Variants in UTRN observed in about 807,000 individuals in gnomAD.
UTRN encodes the protein dystrophin-related protein 1.
In UTRN, 283 loss-of-function variants were observed where a neutral mutation model predicts 463.9. The observed-to-expected ratio is 0.61, with a 90% CI of 0.55 to 0.67. The LOEUF (loss-of-function observed/expected upper bound fraction) is 0.67, where lower values mean the gene tolerates loss of function less well. Ranked by LOEUF, UTRN falls within the 30% of genes least tolerant of loss-of-function variation. The pLI is 0.00. For synonymous variants in UTRN, 1,442 were observed against 1,431.5 expected, an observed-to-expected ratio of 1.01 and a Z score of -0.17; for missense variants, 3,922 against 4,084.3, an observed-to-expected ratio of 0.96 and a Z score of 1.08.
chr6:144,530,514 T>C (rs1162711641), intron 41 of UTRN, among the ~76,000 whole-genome samples: 1 of 152,222 alleles, frequency 6.6e-6, no homozygotes, highest in Non-Finnish European at 1.5e-5. Context: ...TGAAGTGTTT[T>C]GGCCTTTTGT....
chr6:144,437,571 A>G lies in UTRN; in HGVS notation c.1066A>G (p.Met356Val). The stretch of plus-strand genomic sequence containing the variant: ...TAACAATGTCCCTTTCTAGGCTTTT[A>G]TGATGGAACTGACTGCACACCAGAG... ...KDQFATHEAF[M>V]MELTAHQSSV... is the part of the protein sequence containing the mutation. Residue 356 changes from methionine (M) to valine (V), a missense_variant, in exon 11 of 75, where the codon ATG (methionine) becomes GTG (valine). Physicochemically the swap from Met to Val is conservative, Grantham distance 21 (BLOSUM62 1). Around this residue, in one of 3 missense-constraint regions of UTRN, gnomAD observed 2,349 missense variants for 2,303.8 expected, o/e 1.02. Coordinates refer to ENST00000367545, the MANE Select transcript of UTRN (RefSeq NM_007124.3). The G allele has an allele frequency of 6.3e-7, 1 of 1,598,916 alleles. No individual in the cohort carries two copies. The highest frequency in any genetic ancestry group is 8.5e-7 in the Non-Finnish European group (1 of 1,174,932).
intron 61 of UTRN, among the ~76,000 whole-genome samples, chr6:144,782,881 G>T (rs1444794097): frequency 6.6e-6 from 1 of 152,038 alleles, no homozygotes; most frequent in Non-Finnish European, 1.5e-5. Context: ...GGAGGTTAAA[G>T]TATGCAAAGA....
intron 45 of UTRN, among the ~76,000 whole-genome samples, chr6:144,542,063 T>C (rs755438620): frequency 3.4e-4 from 51 of 152,190 alleles, no homozygotes; most frequent in Non-Finnish European, 6.5e-4. Flanking sequence ...GCAAACAATC[T>C]ACCACTTTGA....
intron 13 of UTRN, among the ~76,000 whole-genome samples, chr6:144,442,869 T>C (rs571579202): frequency 6.6e-6 from 1 of 152,310 alleles, no homozygotes; most frequent in East Asian, 1.9e-4. Context: ...CAGAAGCACT[T>C]GAGGAGCTTG....
intron 65 of UTRN, among the ~76,000 whole-genome samples, chr6:144,816,242 T>A (rs1421363667): frequency 2.0e-5 from 3 of 152,188 alleles, no homozygotes; most frequent in African/African-American, 7.2e-5. Flanking sequence ...AGGAGGGACC[T>A]GTAAATTAAA....
chr6:144,827,737 TTAATC>T, intron 68 of UTRN, 61 bp downstream of exon 68: 1 of 1,535,196 alleles, frequency 6.5e-7, no homozygotes, highest in South Asian at 1.2e-5. Flanking sequence ...CTATGTCTAA[TTAATC>T]TAATATCATT....
At chr6:144,668,352 G>A (rs557243984) in intron 51 of UTRN, among the ~76,000 whole-genome samples, 1 of 152,114 alleles carries the variant, frequency 6.6e-6, no homozygotes. Flanking sequence ...GAATGCATGG[G>A]TGTGCTTACT....
intron 56 of UTRN, among the ~76,000 whole-genome samples, chr6:144,753,018 A>G (rs544776527): frequency 1.1e-4 from 16 of 152,298 alleles, no homozygotes; most frequent in African/African-American, 3.1e-4. Flanking sequence ...CTTTACTCAT[A>G]AAGTGTGGCA....
rs1285113328 is a variant in UTRN at position 144,514,769 on chromosome 6, T to C, written c.5193T>C (p.Ala1731=). The stretch of plus-strand genomic sequence containing the variant: ...GGGAGCTTGTAGAACCAAAGTTAGC[T>C]GAGCTGAATAGGAACTTTGAAAAGG... The part of the protein sequence containing the change: ...SSRELVEPKL[A]ELNRNFEKVS... The change falls in exon 37 of 75, where the codon GCT becomes GCC. Residue 1731 remains alanine, a synonymous_variant. Coordinates refer to ENST00000367545, the MANE Select transcript of UTRN (RefSeq NM_007124.3). 1.9e-6 allele frequency: 3 copies of C among 1,614,188 alleles called. No homozygotes were observed. Among genetic ancestry groups the C allele is most frequent in the Non-Finnish European group, 2.5e-6 (3 of 1,180,012 alleles).
At chr6:144,575,260 TA>T (rs944526970) in intron 50 of UTRN, among the ~76,000 whole-genome samples, 3 of 151,856 alleles carry the variant, frequency 2.0e-5, no homozygotes, top group Admixed American at 6.6e-5. Context: ...CATTATAAAA[TA>T]AAAAAAATGC....
chr6:144,812,196 T>G (rs1044482692), intron 65 of UTRN, among the ~76,000 whole-genome samples: 5 of 145,824 alleles, frequency 3.4e-5, no homozygotes, highest in Non-Finnish European at 5.9e-5. Flanking sequence ...TTAAATTGTT[T>G]GGTAATTAGA....
intron 54 of UTRN, among the ~76,000 whole-genome samples, chr6:144,744,619 A>C (rs1790503480): frequency 1.7e-5 from 1 of 60,384 alleles, no homozygotes; most frequent in South Asian, 6.1e-4. Flanking sequence ...ACACACACAC[A>C]CACACACACA....
intron 34 of UTRN, among the ~76,000 whole-genome samples, chr6:144,502,944 T>C (rs1794335732): frequency 6.6e-6 from 1 of 152,252 alleles, no homozygotes. Flanking sequence ...ATCGCTATTC[T>C]ACCTGGTGTG....
intron 54 of UTRN, among the ~76,000 whole-genome samples, chr6:144,732,261 C>CATATATAT (rs1562832840): frequency 1.6e-5 from 2 of 122,660 alleles, no homozygotes; most frequent in South Asian, 5.7e-4. Flanking sequence ...TATATATACA[C>CATATATAT]ACATATATAT....
At chr6:144,846,316 G>A (rs962891965) in intron 73 of UTRN, among the ~76,000 whole-genome samples, 1 of 152,206 alleles carries the variant, frequency 6.6e-6, no homozygotes, top group African/African-American at 2.4e-5. Context: ...GATTAGGCCA[G>A]CACTTTCCTT....
chr6:144,329,139 G>A (rs994302066), intron 2 of UTRN, among the ~76,000 whole-genome samples: 6 of 148,572 alleles, frequency 4.0e-5, no homozygotes, highest in African/African-American at 1.5e-4. Flanking sequence ...CTGGAGTGTA[G>A]GGGGGCGATC....
chr6:144,473,915 G>C, intron 24 of UTRN, 82 bp downstream of exon 24: 4 of 967,414 alleles, frequency 4.1e-6, no homozygotes, highest in Non-Finnish European at 6.3e-6. Flanking sequence ...TATTAAAATT[G>C]TGAGAATATA....
rs754190242 is a variant in UTRN at position 144,482,405 on chromosome 6, ATTG to A, written c.3687+23_3687+25del. 16,737 of 1,200,062 alleles carry A rather than the reference ATTG, an allele frequency of 0.014. 522 individuals carry two copies. Among genetic ancestry groups the A allele is most frequent in the Middle Eastern group, 0.028 (117 of 4,116 alleles). 74.3% of individuals were successfully genotyped at this position (1,200,062 alleles called of 1,614,324 possible). A position where few individuals can be genotyped will look rare whatever the true frequency, so the allele number is the denominator to read the frequency against. ...ACGCTAGAGGTATGCTATTATTATT[ATTG>A]TTGTTATTATTATTATTATTATTAT... On this transcript the variant is annotated intron_variant, in intron 27 of 74. Transcript: ENST00000367545.
Position 144,291,761 on chromosome 6 carries a change from G to C in UTRN, c.-68G>C. On this transcript the variant is annotated 5_prime_UTR_variant, in exon 2 of 75. Coordinates refer to ENST00000367545, the MANE Select transcript of UTRN (RefSeq NM_007124.3). ...GGTATTGATGTCAAGCTGAACCATC[G>C]TAGGAAGTTGAAAGCCTTAGAAAGA... is the stretch of plus-strand genomic sequence containing the variant. The C allele has an allele frequency of 7.0e-7, 1 of 1,436,544 alleles. No homozygotes were observed. Among genetic ancestry groups the C allele is most frequent in the Middle Eastern group, 1.8e-4 (1 of 5,586 alleles). The allele number at this position is 1,436,544 out of a possible 1,614,324, so 89.0% of individuals were successfully genotyped here. A position where few individuals can be genotyped will look rare whatever the true frequency, so the allele number is the denominator to read the frequency against.
Sources: gnomAD v4.1 joint callset for allele counts (sites outside exome capture counted in the v4.1 genomes callset) on GRCh38, gnomAD v4.1.1 for gene constraint, gnomAD v4.1.1 regional missense constraint, MANE v1.5 for transcripts, NCBI Gene and HGNC (gene_info 2026-07-23, HGNC 2026-07-21) for gene names.